Variants in DNAH6 observed in about 807,000 individuals in gnomAD.
DNAH6 encodes dynein axonemal heavy chain 6, also known as axonemal beta dynein heavy chain 6.
A neutral mutation model predicts 491.4 loss-of-function variants in DNAH6; 340 were observed. That is an observed-to-expected ratio of 0.69 (90% CI 0.63 to 0.76). The LOEUF is 0.76. Ranked by LOEUF, DNAH6 falls within the 30% of genes least tolerant of loss-of-function variation. The pLI is 0.00. For missense variants in DNAH6, 4,443 were observed against 4,972.2 expected, an observed-to-expected ratio of 0.89 and a Z score of 3.20; for synonymous variants, 1,603 against 1,686.1, an observed-to-expected ratio of 0.95 and a Z score of 1.21.
rs955075566 is a variant in DNAH6 at position 84,592,727 on chromosome 2, A to G, written c.2611-1245A>G. ...AATGGATAAAGAAAATATGGTATCT[A>G]CATAAAATAGAATTTTACTCAGCCT... On this transcript the variant is annotated intron_variant, in intron 16 of 76. Transcript: ENST00000389394. Among the ~76,000 whole-genome samples, 3 of 152,350 alleles carry G rather than the reference A, an allele frequency of 2.0e-5. No homozygotes were observed. The East Asian group carries it at 5.8e-4, about 29-fold the overall frequency.
At chr2:84,645,368 G>A (rs983713127) in intron 33 of DNAH6, among the ~76,000 whole-genome samples, 49 of 152,170 alleles carry the variant, frequency 3.2e-4, no homozygotes, top group African/African-American at 1.1e-3. Context: ...GCAGTAAGCC[G>A]AGATTGTGCC....
chr2:84,616,563 C>T (rs1686871915), intron 22 of DNAH6, among the ~76,000 whole-genome samples: 1 of 151,978 alleles, frequency 6.6e-6, no homozygotes, highest in Non-Finnish European at 1.5e-5. Flanking sequence ...ACCCCTTTAC[C>T]TTAAGTTTAT....
intron 45 of DNAH6, among the ~76,000 whole-genome samples, chr2:84,689,256 A>T (rs1398881392): frequency 1.3e-5 from 2 of 152,210 alleles, no homozygotes; most frequent in Non-Finnish European, 2.9e-5. Flanking sequence ...CATCTCATTT[A>T]CCTGGTACAA....
chr2:84,650,500 ATT>A (rs200567664), intron 33 of DNAH6, among the ~76,000 whole-genome samples: 5 of 140,222 alleles, frequency 3.6e-5, no homozygotes, highest in Admixed American at 1.4e-4. Context: ...GGCTCTCTGT[ATT>A]TTTTTTTTTT....
At chr2:84,713,851 G>A (rs1476117167) in intron 57 of DNAH6, among the ~76,000 whole-genome samples, 1 of 152,184 alleles carries the variant, frequency 6.6e-6, no homozygotes, top group Non-Finnish European at 1.5e-5. Context: ...TTAGAGTTAT[G>A]GGTGGTGGGG....
In DNAH6 at chr2:84,604,320, G is replaced by C. The variant is rs985569863; in HGVS notation, c.2869-19G>C. The C allele has an allele frequency of 3.9e-6, 6 of 1,536,432 alleles. No individual in the cohort carries two copies. The highest frequency in any genetic ancestry group is 5.3e-6 in the Non-Finnish European group (6 of 1,133,124). On this transcript the variant is annotated intron_variant, in intron 18 of 76. Transcript: ENST00000389394. The stretch of plus-strand genomic sequence containing the variant: ...TTAAGATAAAAAGCTTCATGTCTCT[G>C]AGAGTGTTTGTTTTTCAGCTTCCAG...
intron 9 of DNAH6, among the ~76,000 whole-genome samples, chr2:84,551,575 T>G (rs1679370520): frequency 6.6e-6 from 1 of 152,250 alleles, no homozygotes; most frequent in African/African-American, 2.4e-5. Flanking sequence ...CTATTTCAAA[T>G]AATACTGCAA....
chr2:84,710,243 T>C, intron 55 of DNAH6, 44 bp from the exon 56 acceptor site: 1 of 1,527,920 alleles, frequency 6.5e-7, no homozygotes, highest in East Asian at 2.5e-5. Context: ...TAGCCATTTA[T>C]TATGCTCTGA....
chr2:84,681,826 G>A (rs973757140), intron 42 of DNAH6, among the ~76,000 whole-genome samples: 3 of 151,670 alleles, frequency 2.0e-5, no homozygotes, highest in African/African-American at 7.3e-5. Flanking sequence ...TCCTTCCCTG[G>A]GCTGAGCTCC....
At chr2:84,492,244 C>G in the DNAH6 span, among the ~76,000 whole-genome samples, 1 of 152,210 alleles carries the variant, frequency 6.6e-6, no homozygotes, top group South Asian at 2.1e-4. Flanking sequence ...TTTTAGTAGG[C>G]TACCCACCTT....
At chr2:84,783,091 T>A (rs548035872) in intron 65 of DNAH6, among the ~76,000 whole-genome samples, 1 of 151,834 alleles carries the variant, frequency 6.6e-6, no homozygotes, top group African/African-American at 2.4e-5. Flanking sequence ...CAGTAGGAAA[T>A]AAAATACATT....
chr2:84,579,085 GA>G (rs1682758967), intron 13 of DNAH6, among the ~76,000 whole-genome samples: 1 of 152,088 alleles, frequency 6.6e-6, no homozygotes, highest in South Asian at 2.1e-4. Context: ...ATAGTAGCGT[GA>G]AAATCTTAAT....
At chr2:84,724,927 G>C (rs1459085747) in intron 60 of DNAH6, among the ~76,000 whole-genome samples, 2 of 152,222 alleles carry the variant, frequency 1.3e-5, no homozygotes, top group Non-Finnish European at 2.9e-5. Context: ...AGGGGATTTA[G>C]ACTCCACCTC....
At chr2:84,646,994 C>T (rs1260227977) in intron 33 of DNAH6, among the ~76,000 whole-genome samples, 2 of 152,126 alleles carry the variant, frequency 1.3e-5, no homozygotes, top group Non-Finnish European at 2.9e-5. Flanking sequence ...ACTACAGGCA[C>T]ATGCCACCAC....
chr2:84,461,742 A>G, the DNAH6 span, among the ~76,000 whole-genome samples: 1 of 152,218 alleles, frequency 6.6e-6, no homozygotes, highest in Non-Finnish European at 1.5e-5. Flanking sequence ...GGTTTTAACT[A>G]AAGTGAGTAA....
chr2:84,639,225 A>C (rs1483393695), intron 31 of DNAH6, among the ~76,000 whole-genome samples: 1 of 152,020 alleles, frequency 6.6e-6, no homozygotes, highest in Non-Finnish European at 1.5e-5. Flanking sequence ...ACAATAAATG[A>C]CTTGCTCATT....
intron 63 of DNAH6, among the ~76,000 whole-genome samples, chr2:84,757,025 G>A (rs945248726): frequency 3.9e-5 from 6 of 152,168 alleles, no homozygotes; most frequent in Admixed American, 6.5e-5. Flanking sequence ...TAATGATCCC[G>A]CAATCCAGAC....
At chr2:84,509,289 T>C in the DNAH6 span, among the ~76,000 whole-genome samples, 2 of 152,228 alleles carry the variant, frequency 1.3e-5, no homozygotes, top group South Asian at 2.1e-4. Flanking sequence ...CACTTTAGGA[T>C]AGTTAGCTCT....
At chr2:84,797,245 C>T (rs1306777967) in intron 69 of DNAH6, among the ~76,000 whole-genome samples, 1 of 152,120 alleles carries the variant, frequency 6.6e-6, no homozygotes, top group Non-Finnish European at 1.5e-5. Context: ...AATTTGGAGC[C>T]CTTCATGAGT....
Sources: allele counts gnomAD v4.1 joint callset (sites outside exome capture counted in the v4.1 genomes callset), GRCh38; gene constraint gnomAD v4.1.1; transcripts MANE v1.5; gene names NCBI Gene and HGNC (gene_info 2026-07-23, HGNC 2026-07-21).